Variants in MYO16 observed in about 807,000 individuals in gnomAD.
The protein encoded by MYO16 is unconventional myosin-XVI.
A neutral mutation model predicts 205.3 loss-of-function variants in MYO16; 94 were observed. The observed-to-expected ratio is 0.46, with a 90% CI of 0.39 to 0.54. The LOEUF (loss-of-function observed/expected upper bound fraction) is 0.54, where lower values mean the gene tolerates loss of function less well. MYO16 is among the 20% of genes least tolerant of loss of function. The pLI is 0.00. For synonymous variants in MYO16, 988 were observed against 954.0 expected (o/e 1.04, Z -0.66); for missense variants, 2,315 against 2,387.5 (o/e 0.97, Z 0.63).
chr13:109,141,029 C>G lies in MYO16; in HGVS notation c.4817C>G (p.Pro1606Arg). The G allele has an allele frequency of 7.5e-7, 1 of 1,330,824 alleles. No homozygotes were observed. Among genetic ancestry groups the G allele is most frequent in the African/African-American group, 1.5e-5 (1 of 64,978 alleles). The allele number at this position is 1,330,824 out of a possible 1,614,324, so 82.4% of individuals were successfully genotyped here. Residue 1606 changes from proline to arginine, a missense_variant, in exon 32 of 35, where the codon CCC becomes CGC. By Grantham distance (103) the Pro-to-Arg change is moderately radical. This residue lies in a region of MYO16 where 1,097 missense variants were observed against 1,092.0 expected (regional missense o/e 1.00). Coordinates refer to ENST00000457511, the MANE Select transcript of MYO16 (RefSeq NM_001198950.3). This position sits in a 1 kb window ranked among gnomAD's most constrained non-coding sequence, Gnocchi z 4.1. Reference protein sequence around the residue: ...PPPPPPPGPPPAPYRPCAHLA... With the variant: ...PPPPPPPGPPRAPYRPCAHLA... ...CCCCCGCCCCCGCCCGGGCCGCCCCCCGCGCCCTACAGGCCCTGCGCGCAC... is the reference window on the plus strand; with the variant it reads ...CCCCCGCCCCCGCCCGGGCCGCCCCGCGCGCCCTACAGGCCCTGCGCGCAC...
intron 14 of MYO16, among the ~76,000 whole-genome samples, chr13:108,893,635 C>T (rs886083817): frequency 6.6e-6 from 1 of 152,044 alleles, no homozygotes; most frequent in Admixed American, 6.6e-5. Flanking sequence ...AAGGAAAGTT[C>T]ACTAGGTGGC....
At chr13:108,946,754 T>A (rs1236463284) in intron 16 of MYO16, among the ~76,000 whole-genome samples, 1 of 152,066 alleles carries the variant, frequency 6.6e-6, no homozygotes, top group Non-Finnish European at 1.5e-5. Context: ...GATTTTTTTT[T>A]TTATTGAGAT....
rs150512993 is a variant in MYO16 at position 108,955,844 on chromosome 13, C to G, written c.1926-1844C>G. ...CCAGCCTGGGCAACAGAGGGAGATT[C>G]TATCTCAAAACAAAACAAAACAAAA... On this transcript the variant is annotated intron_variant, in intron 16 of 34. Transcript: ENST00000457511. Among the ~76,000 whole-genome samples the G allele has an allele frequency of 2.3e-3, 357 of 152,284 alleles. 2 individuals are homozygous for G. The highest frequency in any genetic ancestry group is 8.3e-3 in the African/African-American group (345 of 41,560).
chr13:108,561,678 G>A, the MYO16 span, among the ~76,000 whole-genome samples: 2 of 152,122 alleles, frequency 1.3e-5, no homozygotes, highest in Non-Finnish European at 1.5e-5. Flanking sequence ...ATTCAATCAC[G>A]CAGATATCTA....
At chr13:108,760,484 T>A (rs1006756601) in intron 4 of MYO16, among the ~76,000 whole-genome samples, 2 of 149,676 alleles carry the variant, frequency 1.3e-5, no homozygotes, top group African/African-American at 4.9e-5. Context: ...TTTTTTTTTT[T>A]ATCATTTTGG....
At chr13:108,788,166 C>A (rs1886513483) in intron 5 of MYO16, among the ~76,000 whole-genome samples, 1 of 152,120 alleles carries the variant, frequency 6.6e-6, no homozygotes, top group Non-Finnish European at 1.5e-5. Flanking sequence ...TCACCTGTCA[C>A]ATCAGGATGC....
chr13:108,592,956 C>T (rs944860746), upstream of MYO16, among the ~76,000 whole-genome samples: 2 of 152,124 alleles, frequency 1.3e-5, no homozygotes, highest in African/African-American at 4.8e-5. Context: ...TGCAATCACG[C>T]TTCCTTCCAA....
rs1877032120 is a variant in MYO16, at chr13:108,838,252, TG to T, written c.1098-6090del. ...ACACTTTATAATGTTGTTGTGAAAA[TG>T]AAAAAAAAATTTAATACATGCAGCG... On this transcript the variant is annotated intron_variant, in intron 9 of 34. Transcript: ENST00000457511. 3.3e-5 allele frequency among the ~76,000 whole-genome samples: 5 copies of T among 151,414 alleles called. No homozygotes were observed. The South Asian group carries it at 1.0e-3, about 32-fold the overall frequency.
intron 20 of MYO16, among the ~76,000 whole-genome samples, chr13:108,972,730 A>C (rs968371157): frequency 6.6e-6 from 1 of 151,866 alleles, no homozygotes; most frequent in Non-Finnish European, 1.5e-5. Context: ...CAGGTCTGAC[A>C]TGTTTGTAAC....
rs185451566 is a variant in MYO16 at position 109,074,080 on chromosome 13, A to G, written c.3335+18485A>G. Among the ~76,000 whole-genome samples the G allele has an allele frequency of 3.4e-4, 52 of 152,310 alleles. 2 individuals are homozygous for G. In the East Asian group the frequency reaches 6.4e-3, roughly 19 times the overall value. On this transcript the variant is annotated intron_variant, in intron 27 of 34. Transcript: ENST00000457511. ...TAAGTTTCTCTGAATTATTTTCATG[A>G]ATGGACATTTATTTATTTTTAACAA...
intron 7 of MYO16, among the ~76,000 whole-genome samples, chr13:108,810,388 T>A (rs1413659636): frequency 6.6e-6 from 1 of 152,162 alleles, no homozygotes; most frequent in Non-Finnish European, 1.5e-5. Context: ...CTGGAAATAT[T>A]GAGTGTAGAT....
chr13:108,886,592 AC>A (rs949887984), intron 13 of MYO16: 41 of 426,320 alleles, frequency 9.6e-5, no homozygotes, highest in African/African-American at 7.3e-4. Context: ...TGGCGGCTCC[AC>A]CCCCCGTCCT....
intron 4 of MYO16, among the ~76,000 whole-genome samples, chr13:108,748,763 A>G (rs1267312014): frequency 6.6e-6 from 1 of 152,152 alleles, no homozygotes; most frequent in African/African-American, 2.4e-5. Context: ...TGAAACAATT[A>G]GTGTTGTCTA....
At chr13:108,846,859 C>T (rs549953340) in intron 10 of MYO16, among the ~76,000 whole-genome samples, 2 of 152,080 alleles carry the variant, frequency 1.3e-5, no homozygotes, top group South Asian at 2.1e-4. Context: ...AATTAACTAA[C>T]ATTCAAAAAC....
the MYO16 span, among the ~76,000 whole-genome samples, chr13:108,572,930 T>C: frequency 6.6e-6 from 1 of 152,164 alleles, no homozygotes; most frequent in East Asian, 1.9e-4. Flanking sequence ...ACTGTGGGTG[T>C]CCGCTGCAGA....
At chr13:108,898,204 G>A (rs1025764300) in intron 15 of MYO16, 71 bp downstream of exon 15, 13 of 1,144,674 alleles carry the variant, frequency 1.1e-5, no homozygotes, top group African/African-American at 1.1e-4. Context: ...ACACAGGCAC[G>A]CTATGGACAC....
chr13:108,584,195 C>T, the MYO16 span, among the ~76,000 whole-genome samples: 1 of 152,172 alleles, frequency 6.6e-6, no homozygotes, highest in East Asian at 1.9e-4. Context: ...CCTCATGATC[C>T]ACCTGCCTCA....
chr13:109,054,960 C>T, intron 25 of MYO16, 86 bp from the exon 26 acceptor site: 1 of 737,394 alleles, frequency 1.4e-6, no homozygotes, highest in South Asian at 2.0e-5. Context: ...CCTTCCCTTC[C>T]CCTTCCTCCC....
intron 22 of MYO16, among the ~76,000 whole-genome samples, chr13:109,017,979 G>A (rs1369218541): frequency 6.6e-6 from 1 of 152,314 alleles, no homozygotes; most frequent in South Asian, 2.1e-4. Flanking sequence ...GCTCATCAAA[G>A]TCATTCTCCG....
Sources: gnomAD v4.1 joint callset for allele counts (sites outside exome capture counted in the v4.1 genomes callset) on GRCh38, gnomAD v4.1.1 for gene constraint, gnomAD v4.1.1 regional missense constraint, Gnocchi (gnomAD v3.1) non-coding constraint, MANE v1.5 for transcripts, NCBI Gene and HGNC (gene_info 2026-07-23, HGNC 2026-07-21) for gene names.